The following JHY variants were observed in gnomAD, a reference collection of about 807,000 sequenced individuals.
JHY encodes the protein jhy protein homolog.
A neutral mutation model predicts 78.0 loss-of-function variants in JHY; 69 were observed. The observed-to-expected ratio is 0.88, with a 90% CI of 0.73 to 1.08. JHY has a LOEUF of 1.08. JHY is among the 50% of genes least tolerant of loss of function. The pLI is 0.00. For missense variants in JHY, 944 were observed against 927.8 expected (o/e 1.02, Z -0.23); for synonymous variants, 368 against 342.6 (o/e 1.07, Z -0.82).
chr11:122,916,972 G>T (rs1447228013), intron 3 of JHY, among the ~76,000 whole-genome samples: 4 of 151,822 alleles, frequency 2.6e-5, no homozygotes, highest in Non-Finnish European at 5.9e-5. Context: ...ATCTTTTATA[G>T]TTCCCCCCAC....
chr11:122,905,138 G>A (rs1191623861), intron 3 of JHY: 1 of 1,473,080 alleles, frequency 6.8e-7, no homozygotes, highest in African/African-American at 1.4e-5. Context: ...TTGTAAAATT[G>A]GGACAGTAAT....
intron 3 of JHY, among the ~76,000 whole-genome samples, chr11:122,922,611 C>T (rs1232894032): frequency 6.6e-6 from 1 of 151,690 alleles, no homozygotes; most frequent in Non-Finnish European, 1.5e-5. Flanking sequence ...GAGATAGAGA[C>T]CATCCTGGCT....
At chr11:122,921,253 A>G (rs377341686) in intron 3 of JHY, among the ~76,000 whole-genome samples, 4 of 152,224 alleles carry the variant, frequency 2.6e-5, no homozygotes, top group African/African-American at 7.2e-5. Flanking sequence ...CACCAGTGCT[A>G]TGTAAGAGAT....
Position 122,946,553 on chromosome 11 carries a change from C to T in JHY, c.1690C>T (p.Leu564Phe), listed in dbSNP as rs1229245988. The T allele has an allele frequency of 6.2e-7, 1 of 1,613,338 alleles. No homozygotes were observed. The highest frequency in any genetic ancestry group is 2.2e-5 in the East Asian group (1 of 44,874). The change falls in exon 6 of 9, where the codon CTC (leucine) becomes TTC (phenylalanine). Residue 564 changes from leucine to phenylalanine, a missense_variant. By Grantham distance (22) the Leu-to-Phe change is conservative. Coordinates refer to ENST00000227349, the MANE Select transcript of JHY (RefSeq NM_024806.4). ...QTVRASPDSWLTQIMEQHQQA... is the reference protein window; with the variant it reads ...QTVRASPDSWFTQIMEQHQQA... ...GGTTAGAGCTTCTCCAGATTCATGGCTCACCCAGATAATGGAGCAGCATCA... is the reference window on the plus strand; with the variant it reads ...GGTTAGAGCTTCTCCAGATTCATGGTTCACCCAGATAATGGAGCAGCATCA...
At position 122,948,234 on chromosome 11, in the gene JHY, A is replaced by G. The variant is rs538131678; in HGVS notation, c.1929+1442A>G. Among the ~76,000 whole-genome samples, 7 of 151,874 alleles carry G rather than the reference A, an allele frequency of 4.6e-5. No individual in the cohort carries two copies. In the South Asian group the frequency reaches 1.5e-3, roughly 32 times the overall value. The stretch of plus-strand genomic sequence containing the variant: ...TGAGGTGTGTGGATCACCTGAGGTC[A>G]GGAGTTCGAGACCAGCTTGGACAAC... On this transcript the variant is annotated intron_variant, in intron 6 of 8. Coordinates refer to ENST00000227349, the MANE Select transcript of JHY (RefSeq NM_024806.4).
chr11:122,957,695 T>C (rs1380890677), intron 8 of JHY, among the ~76,000 whole-genome samples: 2 of 150,786 alleles, frequency 1.3e-5, no homozygotes, highest in Non-Finnish European at 3.0e-5. Flanking sequence ...CGTTTTCTTG[T>C]AACTTAAAAA....
At chr11:122,884,481 T>TA (rs926148308) in intron 1 of JHY, among the ~76,000 whole-genome samples, 44 of 150,244 alleles carry the variant, frequency 2.9e-4, no homozygotes, top group African/African-American at 1.0e-3. Flanking sequence ...AGATAGAAAA[T>TA]AGACCAAAAT....
At chr11:122,916,504 C>T (rs1863237318) in intron 3 of JHY, among the ~76,000 whole-genome samples, 2 of 152,118 alleles carry the variant, frequency 1.3e-5, no homozygotes, top group South Asian at 4.1e-4. Flanking sequence ...TTTCTTGCAT[C>T]AGTTTGAGAG....
Position 122,956,485 on chromosome 11 carries a change from T to C in JHY, c.1930-11T>C, listed in dbSNP as rs1864192070. On this transcript the variant is annotated splice_polypyrimidine_tract_variant and intron_variant, in intron 6 of 8. Transcript: ENST00000227349. ...CCTTAAAAGAAACTGTTTCTGTGGT[T>C]GTATTTTTAGAACACCAAGCTGAAA... 6.2e-7 allele frequency: 1 copy of C among 1,612,686 alleles called. No individual in the cohort carries two copies.
chr11:122,953,779 A>T (rs962574513), intron 6 of JHY, among the ~76,000 whole-genome samples: 1 of 152,168 alleles, frequency 6.6e-6, no homozygotes, highest in Non-Finnish European at 1.5e-5. Flanking sequence ...TTCAATGAAC[A>T]GTGTGTCTTC....
At chr11:122,955,503 G>A (rs943746004) in intron 6 of JHY, among the ~76,000 whole-genome samples, 1 of 150,230 alleles carries the variant, frequency 6.7e-6, no homozygotes, top group African/African-American at 2.5e-5. Flanking sequence ...AGAATATTAG[G>A]GTTTTTTCCT....
chr11:122,959,338 G>A lies in JHY; in HGVS notation c.2230G>A (p.Gly744Arg). The change falls in exon 9 of 9, where the codon GGG (glycine) becomes AGG (arginine). Residue 744 changes from glycine (G) to arginine (R), a missense_variant. Coordinates refer to ENST00000227349, the MANE Select transcript of JHY (RefSeq NM_024806.4). ...SKEQKNPTYA[G>R]KEESLPEISL... The stretch of plus-strand genomic sequence containing the variant: ...GGAACAAAAAAATCCAACCTATGCT[G>A]GGAAAGAAGAAAGTTTACCTGAAAT... The A allele has an allele frequency of 6.2e-7, 1 of 1,614,096 alleles. No homozygotes were observed. The highest frequency in any genetic ancestry group is 1.1e-5 in the South Asian group (1 of 91,082).
intron 3 of JHY, among the ~76,000 whole-genome samples, chr11:122,912,013 AT>A (rs1477893925): frequency 6.7e-6 from 1 of 148,294 alleles, no homozygotes; most frequent in Non-Finnish European, 1.5e-5. Flanking sequence ...GGGGTTGGGC[AT>A]GGTGGCTCAT....
intron 4 of JHY, among the ~76,000 whole-genome samples, chr11:122,926,200 A>AAAAAAAG (rs1242761698): frequency 6.4e-4 from 58 of 90,466 alleles, no homozygotes; most frequent in African/African-American, 1.7e-3. Context: ...AAAAAAAAAA[A>AAAAAAAG]AAAAAAGAAA....
At chr11:122,932,202 AC>A (rs1301708710) in intron 4 of JHY, among the ~76,000 whole-genome samples, 3 of 152,146 alleles carry the variant, frequency 2.0e-5, no homozygotes, top group Non-Finnish European at 4.4e-5. Context: ...TCTTCAGTAA[AC>A]CACAGATCTC....
chr11:122,929,090 G>A (rs1015559689), intron 4 of JHY, among the ~76,000 whole-genome samples: 5 of 152,016 alleles, frequency 3.3e-5, no homozygotes, highest in Non-Finnish European at 5.9e-5. Context: ...ACCACGCCTC[G>A]CTAATTTTGT....
intron 3 of JHY, among the ~76,000 whole-genome samples, chr11:122,914,481 G>A (rs917574488): frequency 6.6e-6 from 1 of 152,026 alleles, no homozygotes; most frequent in African/African-American, 2.4e-5. Flanking sequence ...GTCTCGCTCT[G>A]TAGCCCAGGC....
In JHY at chr11:122,959,604, T is replaced by G; in HGVS notation, c.*159T>G. On this transcript the variant is annotated 3_prime_UTR_variant, in exon 9 of 9. Coordinates refer to ENST00000227349, the MANE Select transcript of JHY (RefSeq NM_024806.4). ...CAGGATTTAAAATATGAGGCCCAAT[T>G]GGATTATGGTGCCATATTTTACTTT... is the stretch of plus-strand genomic sequence containing the variant. The G allele has an allele frequency of 3.0e-6, 2 of 659,888 alleles. No homozygotes were observed. The highest frequency in any genetic ancestry group is 1.8e-5 in the African/African-American group (1 of 54,858). 40.9% of individuals were successfully genotyped at this position (659,888 alleles called of 1,614,324 possible). A position where few individuals can be genotyped will look rare whatever the true frequency, so the allele number is the denominator to read the frequency against.
intron 3 of JHY, chr11:122,905,295 G>A: frequency 1.2e-6 from 2 of 1,611,036 alleles, no homozygotes; most frequent in Non-Finnish European, 1.7e-6. Flanking sequence ...GACATGTCCA[G>A]GGATACAGGA....
Sources: gnomAD v4.1 joint callset for allele counts (sites outside exome capture counted in the v4.1 genomes callset) on GRCh38, gnomAD v4.1.1 for gene constraint, MANE v1.5 for transcripts, NCBI Gene and HGNC (gene_info 2026-07-23, HGNC 2026-07-21) for gene names.